Variants in FARS2 observed in about 807,000 individuals in gnomAD.
FARS2 encodes the protein phenylalanine--tRNA ligase, mitochondrial.
In FARS2, 40 loss-of-function variants were observed where a neutral mutation model predicts 46.4. That is an observed-to-expected ratio of 0.86 (90% CI 0.67 to 1.12). The LOEUF is 1.12. Ranked by LOEUF, FARS2 falls within the 50% of genes most tolerant of loss-of-function variation. FARS2 has a pLI of 0.00. For synonymous variants in FARS2, 234 were observed against 214.9 expected (o/e 1.09, Z -0.78); for missense variants, 513 against 567.9 (o/e 0.90, Z 0.98).
At chr6:5,491,332 A>G (rs1403839179) in intron 4 of FARS2, among the ~76,000 whole-genome samples, 1 of 152,180 alleles carries the variant, frequency 6.6e-6, no homozygotes, top group East Asian at 1.9e-4. Flanking sequence ...CCCCATCTCT[A>G]TAAGAGATGA....
chr6:5,583,158 T>A (rs1024294579), intron 5 of FARS2, among the ~76,000 whole-genome samples: 1 of 152,228 alleles, frequency 6.6e-6, no homozygotes, highest in African/African-American at 2.4e-5. Context: ...AAAGTTATTG[T>A]AAAAACAAAA....
At chr6:5,354,915 C>G (rs1379560200) in intron 1 of FARS2, among the ~76,000 whole-genome samples, 1 of 152,028 alleles carries the variant, frequency 6.6e-6, no homozygotes, top group Non-Finnish European at 1.5e-5. Context: ...TTTTTTGGGT[C>G]TAGGGTAGGG....
At chr6:5,592,253 G>A (rs1378008241) in intron 5 of FARS2, among the ~76,000 whole-genome samples, 1 of 152,094 alleles carries the variant, frequency 6.6e-6, no homozygotes, top group African/African-American at 2.4e-5. Flanking sequence ...ACACATAGTG[G>A]TATATGCTTT....
intron 5 of FARS2, among the ~76,000 whole-genome samples, chr6:5,608,249 T>C (rs13196232): frequency 0.022 from 3,413 of 152,278 alleles, 64 homozygotes; most frequent in Non-Finnish European, 0.034. Flanking sequence ...GTCCAAGTCA[T>C]ATGCCTGGTA....
At chr6:5,572,803 A>G (rs908087753) in intron 5 of FARS2, among the ~76,000 whole-genome samples, 1 of 152,086 alleles carries the variant, frequency 6.6e-6, no homozygotes, top group African/African-American at 2.4e-5. Context: ...GCTCCCAGTG[A>G]TTCTTCTGTG....
rs11755044 is a variant in FARS2, at chr6:5,721,600, C to T, written c.1218-49691C>T. ...CAGTGAGTTATGTAACTCTTTTAAGCGTCGACACATTTCATTATCTAAGAT... is the reference window on the plus strand; with the variant it reads ...CAGTGAGTTATGTAACTCTTTTAAGTGTCGACACATTTCATTATCTAAGAT... On this transcript the variant is annotated intron_variant, in intron 6 of 6. Coordinates refer to ENST00000274680, the MANE Select transcript of FARS2 (RefSeq NM_006567.5). Among the ~76,000 whole-genome samples the T allele has an allele frequency of 3.3e-3, 509 of 152,222 alleles. 1 individual carries two copies. The highest frequency in any genetic ancestry group is 9.5e-3 in the Admixed American group (145 of 15,288).
chr6:5,754,259 C>A (rs1378773328), intron 6 of FARS2, among the ~76,000 whole-genome samples: 1 of 152,150 alleles, frequency 6.6e-6, no homozygotes, highest in African/African-American at 2.4e-5. Flanking sequence ...GCCTTCAGAG[C>A]CAGCGCTCTC....
chr6:5,750,769 G>A (rs1761901554), intron 6 of FARS2, among the ~76,000 whole-genome samples: 1 of 152,144 alleles, frequency 6.6e-6, no homozygotes, highest in South Asian at 2.1e-4. Context: ...TTTCTTGGTG[G>A]CTTCTTATTT....
At chr6:5,444,492 A>G (rs1428932811) in intron 4 of FARS2, among the ~76,000 whole-genome samples, 317 of 35,426 alleles carry the variant, frequency 8.9e-3, no homozygotes, top group Non-Finnish European at 0.014. Context: ...AAAAAAAAAA[A>G]AGAGAGAGAG....
At position 5,341,235 on chromosome 6, in the gene FARS2, A is replaced by ATTTTTTT. The variant is rs70974193; in HGVS notation, c.-21-27299_-21-27293dup. 3.0e-3 allele frequency among the ~76,000 whole-genome samples: 31 copies of ATTTTTTT among 10,266 alleles called. 3 individuals are homozygous for ATTTTTTT. The highest frequency in any genetic ancestry group is 5.4e-3 in the Non-Finnish European group (27 of 5,032). 6.7% of individuals were successfully genotyped at this position (10,266 alleles called of 152,430 possible). A position where few individuals can be genotyped will look rare whatever the true frequency, so the allele number is the denominator to read the frequency against. ...TATATATATATATATATATATATAT[A>ATTTTTTT]TTTTTTTTTTTTTTTTTTTTTTCCC... On this transcript the variant is annotated intron_variant, in intron 1 of 6. Coordinates refer to ENST00000274680, the MANE Select transcript of FARS2 (RefSeq NM_006567.5).
intron 6 of FARS2, among the ~76,000 whole-genome samples, chr6:5,649,998 G>A (rs907657903): frequency 6.6e-6 from 1 of 152,178 alleles, no homozygotes; most frequent in Non-Finnish European, 1.5e-5. Flanking sequence ...AAAGGTTCAG[G>A]TGACAATCGT....
intron 3 of FARS2, among the ~76,000 whole-genome samples, chr6:5,410,005 A>G (rs762486633): frequency 2.0e-5 from 3 of 152,172 alleles, no homozygotes; most frequent in Admixed American, 1.3e-4. Context: ...CATCTGATGA[A>G]CTAGAAGAGT....
chr6:5,433,967 A>C (rs1201631269), intron 4 of FARS2, among the ~76,000 whole-genome samples: 1 of 152,230 alleles, frequency 6.6e-6, no homozygotes, highest in Non-Finnish European at 1.5e-5. Flanking sequence ...GCTGTTCTGC[A>C]ATTAGATCAG....
intron 6 of FARS2, among the ~76,000 whole-genome samples, chr6:5,618,499 C>T (rs1327084850): frequency 2.0e-5 from 3 of 152,162 alleles, no homozygotes; most frequent in Non-Finnish European, 4.4e-5. Flanking sequence ...AAGACAAAGT[C>T]GTTAGACACG....
chr6:5,364,968 G>C (rs1334281153), intron 1 of FARS2, among the ~76,000 whole-genome samples: 1 of 151,978 alleles, frequency 6.6e-6, no homozygotes, highest in Non-Finnish European at 1.5e-5. Flanking sequence ...AGGATCACTT[G>C]AGTCTGGGAG....
chr6:5,697,383 C>G (rs1487809679), intron 6 of FARS2, among the ~76,000 whole-genome samples: 1 of 152,126 alleles, frequency 6.6e-6, no homozygotes, highest in African/African-American at 2.4e-5. Flanking sequence ...AGATTTCCAG[C>G]CAAGATAGAG....
At chr6:5,409,383 G>A (rs1052419548) in intron 3 of FARS2, among the ~76,000 whole-genome samples, 2 of 152,062 alleles carry the variant, frequency 1.3e-5, no homozygotes, top group African/African-American at 2.4e-5. Flanking sequence ...CCTGAGAGGC[G>A]GAGGTTGCAG....
At chr6:5,431,281 G>T in intron 4 of FARS2, 109 bp downstream of exon 4, 2 of 1,086,896 alleles carry the variant, frequency 1.8e-6, no homozygotes, top group African/African-American at 3.1e-5. Flanking sequence ...TGCGGGCAGC[G>T]GCATCACTGG....
intron 1 of FARS2, among the ~76,000 whole-genome samples, chr6:5,336,620 TC>T (rs771558973): frequency 1.3e-5 from 2 of 152,148 alleles, no homozygotes; most frequent in Non-Finnish European, 2.9e-5. Flanking sequence ...GGGGTATGCA[TC>T]CCCTCAATCA....
Sources: allele counts gnomAD v4.1 joint callset (sites outside exome capture counted in the v4.1 genomes callset), GRCh38; gene constraint gnomAD v4.1.1; transcripts MANE v1.5; gene names NCBI Gene and HGNC (gene_info 2026-07-23, HGNC 2026-07-21).